Variants in R3HDM1 observed in about 807,000 individuals in gnomAD.
R3HDM1 encodes R3H domain containing 1.
Under a neutral mutation model 141.1 loss-of-function variants are expected in R3HDM1, and 46 were observed. The observed-to-expected ratio is 0.33, with a 90% CI of 0.26 to 0.42. The LOEUF is 0.42. Ranked by LOEUF, R3HDM1 falls within the 10% of genes least tolerant of loss-of-function variation. The probability of loss-of-function intolerance (pLI) is 1.00; values close to 1 mark genes in which losing one functional copy is unlikely to be tolerated. For missense variants in R3HDM1, 1,184 were observed against 1,368.3 expected (o/e 0.87, Z 2.12); for synonymous variants, 435 against 472.9 (o/e 0.92, Z 1.04).
intron 1 of R3HDM1, chr2:135,590,712 C>T: frequency 3.0e-6 from 3 of 985,352 alleles, no homozygotes; most frequent in Non-Finnish European, 3.6e-6. Flanking sequence ...GCAGTGTTCA[C>T]CCATGCCCAG....
intron 25 of R3HDM1, 36 bp downstream of exon 25, chr2:135,722,042 A>C (rs1412299704): frequency 6.4e-7 from 1 of 1,567,680 alleles, no homozygotes; most frequent in African/African-American, 1.4e-5. Context: ...GCTTTGTTGC[A>C]GAACATCATA....
intron 18 of R3HDM1, among the ~76,000 whole-genome samples, chr2:135,659,119 A>G (rs2066330497): frequency 6.7e-6 from 1 of 148,736 alleles, no homozygotes; most frequent in Non-Finnish European, 1.5e-5. Flanking sequence ...GTTTTTTGAG[A>G]CAGAGTCTCA....
intron 20 of R3HDM1, among the ~76,000 whole-genome samples, chr2:135,678,989 G>A (rs2069727730): frequency 6.7e-6 from 1 of 150,054 alleles, no homozygotes; most frequent in Non-Finnish European, 1.5e-5. Context: ...GAACTCCAGA[G>A]CTCAGGCAAT....
intron 1 of R3HDM1, among the ~76,000 whole-genome samples, chr2:135,575,536 A>G (rs1705211126): frequency 6.6e-6 from 1 of 152,220 alleles, no homozygotes; most frequent in Non-Finnish European, 1.5e-5. Context: ...CTGGAAAACT[A>G]CAGGGGATCA....
At chr2:135,715,758 G>A (rs1175645687) in intron 24 of R3HDM1, 64 bp downstream of exon 24, 11 of 1,531,282 alleles carry the variant, frequency 7.2e-6, no homozygotes, top group Non-Finnish European at 8.9e-6. Flanking sequence ...CAGTCACTTG[G>A]TAATTTATCT....
chr2:135,704,339 A>C (rs1249861657), intron 21 of R3HDM1, among the ~76,000 whole-genome samples: 2 of 152,156 alleles, frequency 1.3e-5, no homozygotes, highest in Non-Finnish European at 2.9e-5. Context: ...CCATACTCTG[A>C]CATCTGCTGA....
At chr2:135,566,247 G>T (rs548870371) in intron 1 of R3HDM1, among the ~76,000 whole-genome samples, 13 of 152,290 alleles carry the variant, frequency 8.5e-5, no homozygotes, top group African/African-American at 2.9e-4. Flanking sequence ...TTTTGAAGCA[G>T]ATAGAAGGCT....
chr2:135,674,017 A>C (rs2105339210), intron 19 of R3HDM1, among the ~76,000 whole-genome samples: 1 of 152,212 alleles, frequency 6.6e-6, no homozygotes. Flanking sequence ...CATCCACCCA[A>C]TCCATCCATC....
intron 1 of R3HDM1, among the ~76,000 whole-genome samples, chr2:135,594,983 C>T (rs1201716005): frequency 6.6e-6 from 1 of 151,640 alleles, no homozygotes; most frequent in Non-Finnish European, 1.5e-5. Flanking sequence ...CTACACCCCC[C>T]CCCCTTTTCA....
chr2:135,539,515 A>C (rs754929796), intron 1 of R3HDM1, among the ~76,000 whole-genome samples: 1 of 152,206 alleles, frequency 6.6e-6, no homozygotes, highest in Non-Finnish European at 1.5e-5. Flanking sequence ...GTATTGATAC[A>C]GCAACTAGAA....
chr2:135,623,547 T>C (rs976587503), intron 7 of R3HDM1, among the ~76,000 whole-genome samples: 13 of 152,202 alleles, frequency 8.5e-5, no homozygotes. Context: ...GTATTTAATA[T>C]CAACCCCAAA....
intron 21 of R3HDM1, among the ~76,000 whole-genome samples, chr2:135,697,705 C>G (rs1334014045): frequency 6.6e-6 from 1 of 152,110 alleles, no homozygotes; most frequent in South Asian, 2.1e-4. Flanking sequence ...CAAAACTCAA[C>G]TATGTTCTTT....
At chr2:135,588,859 A>G (rs1178400309) in intron 1 of R3HDM1, among the ~76,000 whole-genome samples, 3 of 152,138 alleles carry the variant, frequency 2.0e-5, no homozygotes, top group Admixed American at 1.3e-4. Context: ...ACTTTTTTAT[A>G]CCATCTGTAT....
At chr2:135,597,926 T>A (rs1189465181) in intron 1 of R3HDM1, among the ~76,000 whole-genome samples, 3 of 152,314 alleles carry the variant, frequency 2.0e-5, no homozygotes, top group East Asian at 1.9e-4. Context: ...CCAGTTCTTT[T>A]GTGTTGTGAA....
At chr2:135,539,463 C>T (rs1696978849) in intron 1 of R3HDM1, among the ~76,000 whole-genome samples, 1 of 152,124 alleles carries the variant, frequency 6.6e-6, no homozygotes, top group Non-Finnish European at 1.5e-5. Context: ...ATCATTTATG[C>T]AGTCCATTGT....
chr2:135,573,092 T>C (rs1704523783), intron 1 of R3HDM1, among the ~76,000 whole-genome samples: 1 of 152,192 alleles, frequency 6.6e-6, no homozygotes, highest in East Asian at 1.9e-4. Flanking sequence ...GTTACATAAC[T>C]ATGAATATAC....
chr2:135,651,649 T>C, intron 17 of R3HDM1, 81 bp from the exon 18 acceptor site: 1 of 1,490,722 alleles, frequency 6.7e-7, no homozygotes, highest in Admixed American at 2.2e-5. Flanking sequence ...GCATCTTATT[T>C]AAAAATAGGA....
chr2:135,674,125 G>T (rs1033079741), intron 19 of R3HDM1, among the ~76,000 whole-genome samples: 1 of 152,096 alleles, frequency 6.6e-6, no homozygotes, highest in African/African-American at 2.4e-5. Context: ...GATATACCTT[G>T]TGGTTATATT....
At position 135,588,682 on chromosome 2, in the gene R3HDM1, G is replaced by A. The variant is rs75190500; in HGVS notation, c.-249-13818G>A. ...TGTCTTCTAAAGATATATGTGTTAG[G>A]CTACTATTAAAGGGAATTATTTTTC... On this transcript the variant is annotated intron_variant, in intron 1 of 26. Coordinates refer to ENST00000683871, the MANE Select transcript of R3HDM1 (RefSeq NM_001378107.1). 3.0e-3 allele frequency among the ~76,000 whole-genome samples: 453 copies of A among 152,018 alleles called. 2 individuals are homozygous for A. Among genetic ancestry groups the A allele is most frequent in the African/African-American group, 0.01 (429 of 41,486 alleles).
Sources: allele counts gnomAD v4.1 joint callset (sites outside exome capture counted in the v4.1 genomes callset), GRCh38; gene constraint gnomAD v4.1.1; transcripts MANE v1.5; gene names NCBI Gene and HGNC (gene_info 2026-07-23, HGNC 2026-07-21).